The following C3orf20 variants were observed in gnomAD, a reference collection of about 807,000 sequenced individuals.
C3orf20 encodes the protein family with sequence similarity 149 member C, also known as uncharacterized protein C3orf20.
A neutral mutation model predicts 88.3 loss-of-function variants in C3orf20; 76 were observed. The ratio of observed to expected loss-of-function variants is 0.86; its 90% CI spans 0.72 to 1.04. C3orf20 has a LOEUF of 1.04. Among genes scored for constraint, C3orf20 ranks in the 50% least tolerant of loss-of-function variants. The pLI is 0.00. For missense variants in C3orf20, 1,056 were observed against 1,123.3 expected, an observed-to-expected ratio of 0.94 and a Z score of 0.86; for synonymous variants, 436 against 437.4, an observed-to-expected ratio of 1.00 and a Z score of 0.04.
Position 14,761,631 on chromosome 3 carries a change from C to T in C3orf20, c.2495+16C>T, listed in dbSNP as rs374929198. 1.9e-5 allele frequency: 30 copies of T among 1,612,814 alleles called. No homozygotes were observed. Among genetic ancestry groups the T allele is most frequent in the African/African-American group, 4.0e-5 (3 of 74,644 alleles). ...ACAAATTCAGGTAAAACAGGAAACA[C>T]GCAGGATGAGGGATGGGCCTGGGGA... On this transcript the variant is annotated intron_variant, in intron 15 of 16. Transcript: ENST00000253697.
chr3:14,749,756 A>G (rs1336790659), intron 12 of C3orf20, among the ~76,000 whole-genome samples: 6 of 144,758 alleles, frequency 4.1e-5, no homozygotes, highest in African/African-American at 1.5e-4. Flanking sequence ...TGTATATTTT[A>G]GTTATTTTCT....
chr3:14,743,277 C>T (rs1215563622), intron 12 of C3orf20, among the ~76,000 whole-genome samples: 1 of 151,926 alleles, frequency 6.6e-6, no homozygotes, highest in Non-Finnish European at 1.5e-5. Flanking sequence ...GGTTACAGGG[C>T]CCGAGGAAGT....
intron 9 of C3orf20, among the ~76,000 whole-genome samples, chr3:14,718,930 C>G (rs1429780592): frequency 6.6e-6 from 1 of 152,210 alleles, no homozygotes; most frequent in African/African-American, 2.4e-5. Context: ...TCTACACTTT[C>G]CTGTGACTAT....
intron 9 of C3orf20, 51 bp from the exon 10 acceptor site, chr3:14,721,602 G>T (rs1559420014): frequency 6.2e-7 from 1 of 1,602,226 alleles, no homozygotes; most frequent in Non-Finnish European, 8.5e-7. Flanking sequence ...GGAAGGGGTG[G>T]CTGGGGCCGT....
chr3:14,757,324 C>G (rs1167034444), intron 12 of C3orf20, 47 bp from the exon 13 acceptor site: 2 of 1,528,480 alleles, frequency 1.3e-6, no homozygotes, highest in Non-Finnish European at 1.8e-6. Context: ...AACCACAGAC[C>G]TTCACCACCT....
intron 13 of C3orf20, 131 bp from the exon 14 acceptor site, chr3:14,759,760 G>A: frequency 1.4e-6 from 1 of 702,978 alleles, no homozygotes; most frequent in East Asian, 2.7e-5. Context: ...CCTGGAGCAG[G>A]AGGAGTTGGG....
chr3:14,742,372 A>G (rs2034928103), intron 12 of C3orf20, among the ~76,000 whole-genome samples: 1 of 152,200 alleles, frequency 6.6e-6, no homozygotes, highest in African/African-American at 2.4e-5. Flanking sequence ...TAAATTGCAA[A>G]TGTATCCCCA....
intron 12 of C3orf20, among the ~76,000 whole-genome samples, chr3:14,734,378 G>A (rs9850901): frequency 0.39 from 58,583 of 151,782 alleles, 11,550 homozygotes; most frequent in Middle Eastern, 0.45. Flanking sequence ...GCTGCATCCC[G>A]CAAGCTTTGA....
chr3:14,770,840 G>A (rs115185449), intron 15 of C3orf20, among the ~76,000 whole-genome samples: 74 of 152,332 alleles, frequency 4.9e-4, no homozygotes, highest in African/African-American at 1.6e-3. Flanking sequence ...TCAGGAAAAT[G>A]GGACAAATGT....
chr3:14,676,639 A>G (rs1325494370), intron 1 of C3orf20, among the ~76,000 whole-genome samples: 1 of 152,182 alleles, frequency 6.6e-6, no homozygotes, highest in African/African-American at 2.4e-5. Flanking sequence ...CCCATTTTGA[A>G]ACTGTCCCCT....
In C3orf20 at chr3:14,702,745, C is replaced by T. The variant is rs2033326823; in HGVS notation, c.746-385C>T. Among the ~76,000 whole-genome samples the T allele has an allele frequency of 3.9e-5, 6 of 152,190 alleles. No individual in the cohort carries two copies. In the South Asian group the frequency reaches 1.0e-3, roughly 26 times the overall value. ...CACGAGCCACCATGCCTGACCATGT[C>T]CTCACATTTCAAAAGCAATCATGCG... On this transcript the variant is annotated intron_variant, in intron 5 of 16. Coordinates refer to ENST00000253697, the MANE Select transcript of C3orf20 (RefSeq NM_032137.5).
At chr3:14,676,505 A>G (rs2031779657) in intron 1 of C3orf20, among the ~76,000 whole-genome samples, 1 of 152,134 alleles carries the variant, frequency 6.6e-6, no homozygotes, top group Non-Finnish European at 1.5e-5. Context: ...TTGTTGCCTA[A>G]TAGTTCATCA....
chr3:14,687,331 T>G (rs1472208029), intron 4 of C3orf20, among the ~76,000 whole-genome samples: 1 of 152,226 alleles, frequency 6.6e-6, no homozygotes, highest in African/African-American at 2.4e-5. Flanking sequence ...TTCATAAATT[T>G]TGGCTTCCTT....
chr3:14,684,474 G>A, intron 4 of C3orf20, 92 bp downstream of exon 4: 1 of 1,501,386 alleles, frequency 6.7e-7, no homozygotes, highest in South Asian at 1.3e-5. Flanking sequence ...TTGAAGGTTT[G>A]ACATTTCCAA....
In C3orf20 at chr3:14,757,246, C is replaced by T. The variant is rs189657076; in HGVS notation, c.1941-125C>T. The stretch of plus-strand genomic sequence containing the variant: ...TGTTCAAGGTGGTGCAGCACATTGG[C>T]AGCAGGGCCCAGACTAAAATCTGCC... On this transcript the variant is annotated intron_variant, in intron 12 of 16. Transcript: ENST00000253697. 56 of 764,900 alleles carry T rather than the reference C, an allele frequency of 7.3e-5. No homozygotes were observed. In the East Asian group the frequency reaches 1.5e-3, roughly 20 times the overall value. The allele number at this position is 764,900 out of a possible 1,614,324, so 47.4% of individuals were successfully genotyped here.
chr3:14,708,304 C>T (rs1228211496), intron 7 of C3orf20, among the ~76,000 whole-genome samples: 4 of 152,086 alleles, frequency 2.6e-5, no homozygotes, highest in Non-Finnish European at 5.9e-5. Flanking sequence ...GTCATGGCAC[C>T]CTTGTCAAAA....
chr3:14,705,286 T>C (rs765006093), intron 7 of C3orf20, among the ~76,000 whole-genome samples: 6 of 152,276 alleles, frequency 3.9e-5, no homozygotes, highest in Non-Finnish European at 8.8e-5. Flanking sequence ...TGTAAGGCGT[T>C]ACCTGTGATT....
intron 1 of C3orf20, among the ~76,000 whole-genome samples, chr3:14,679,707 G>A: frequency 6.6e-6 from 1 of 152,240 alleles, no homozygotes; most frequent in East Asian, 1.9e-4. Context: ...ATTTCTCAGG[G>A]TCCTTTACCC....
intron 1 of C3orf20, among the ~76,000 whole-genome samples, chr3:14,676,563 G>A (rs2031782497): frequency 6.6e-6 from 1 of 152,106 alleles, no homozygotes; most frequent in African/African-American, 2.4e-5. Context: ...GTGGCTATAA[G>A]CATCTTTTAG....
Sources: gnomAD v4.1 joint callset for allele counts (sites outside exome capture counted in the v4.1 genomes callset) on GRCh38, gnomAD v4.1.1 for gene constraint, MANE v1.5 for transcripts, NCBI Gene and HGNC (gene_info 2026-07-23, HGNC 2026-07-21) for gene names.